CDH2: variants seen among roughly 807,000 people sequenced by gnomAD.
CDH2 encodes cadherin-2.
A neutral mutation model predicts 92.0 loss-of-function variants in CDH2; 17 were observed. The ratio of observed to expected loss-of-function variants is 0.18; its 90% confidence interval spans 0.13 to 0.28. CDH2 has a LOEUF of 0.28. CDH2 is among the 10% of genes least tolerant of loss of function. The pLI is 1.00. For missense variants in CDH2, 862 were observed against 1,133.1 expected (o/e 0.76, Z 3.44); for synonymous variants, 419 against 415.9 (o/e 1.01, Z -0.09).
chr18:28,147,931 A>G, intron 1 of CDH2, 147 bp from the exon 2 acceptor site: 1 of 596,178 alleles, frequency 1.7e-6, no homozygotes, highest in East Asian at 2.8e-5. Context: ...ATTAGAATGT[A>G]GAGGGCAAAG....
At chr18:28,095,231 G>A (rs573751661) in intron 2 of CDH2, among the ~76,000 whole-genome samples, 123 of 152,170 alleles carry the variant, frequency 8.1e-4, no homozygotes, top group African/African-American at 2.9e-3. Context: ...CTTGCTAGAT[G>A]AACGAACAAG....
At chr18:27,983,741 G>A (rs2012135456) in intron 13 of CDH2, among the ~76,000 whole-genome samples, 1 of 152,192 alleles carries the variant, frequency 6.6e-6, no homozygotes, top group Admixed American at 6.5e-5. Flanking sequence ...GTGAGTTGAT[G>A]TTAAAATCAG....
At chr18:28,063,706 G>C (rs1480926573) in intron 2 of CDH2, among the ~76,000 whole-genome samples, 1 of 152,194 alleles carries the variant, frequency 6.6e-6, no homozygotes, top group Non-Finnish European at 1.5e-5. Flanking sequence ...GGTGTCTGCA[G>C]AGACAAATTT....
At chr18:28,048,069 C>G (rs2014117164) in intron 2 of CDH2, among the ~76,000 whole-genome samples, 1 of 150,078 alleles carries the variant, frequency 6.7e-6, no homozygotes, top group Non-Finnish European at 1.5e-5. Context: ...TAGCAGGGAT[C>G]TGCTGCCATT....
At chr18:27,950,963 T>A (rs1363526875), downstream of CDH2, 1 of 152,518 alleles carries the variant, frequency 6.6e-6, no homozygotes, top group African/African-American at 2.4e-5. Flanking sequence ...TTCAAACCAG[T>A]CACCAGATCC....
intron 2 of CDH2, among the ~76,000 whole-genome samples, chr18:28,054,957 A>G (rs1288453316): frequency 6.6e-6 from 1 of 152,198 alleles, no homozygotes; most frequent in African/African-American, 2.4e-5. Context: ...AGAAATCTCA[A>G]TTTGTAAGTG....
intron 11 of CDH2, among the ~76,000 whole-genome samples, chr18:27,986,640 C>T (rs1318800338): frequency 1.3e-5 from 2 of 152,022 alleles, no homozygotes; most frequent in Admixed American, 6.6e-5. Flanking sequence ...GAGACTTAAG[C>T]GACCTGCCAA....
At chr18:28,176,190 G>C (rs1275375095) in intron 1 of CDH2, among the ~76,000 whole-genome samples, 1 of 152,178 alleles carries the variant, frequency 6.6e-6, no homozygotes, top group Non-Finnish European at 1.5e-5. Flanking sequence ...TCCAGGCAAA[G>C]GCGCCCCCGG....
intron 2 of CDH2, among the ~76,000 whole-genome samples, chr18:28,051,833 G>T (rs1641558701): frequency 6.6e-6 from 1 of 152,084 alleles, no homozygotes; most frequent in Admixed American, 6.5e-5. Flanking sequence ...TGATAATTAT[G>T]TCATAGCACT....
intron 2 of CDH2, among the ~76,000 whole-genome samples, chr18:28,089,400 A>G (rs2014996100): frequency 1.3e-5 from 2 of 152,216 alleles, no homozygotes; most frequent in Non-Finnish European, 2.9e-5. Context: ...TCTTCACATT[A>G]TAATTATAAA....
intron 15 of CDH2, 33 bp from the exon 16 acceptor site, chr18:27,952,392 TAA>T: frequency 6.5e-7 from 1 of 1,537,028 alleles, no homozygotes; most frequent in Non-Finnish European, 9.0e-7. Flanking sequence ...ATGAAAGAAT[TAA>T]GAGAGGGTTA....
At chr18:28,109,972 T>G (rs925914857) in intron 2 of CDH2, among the ~76,000 whole-genome samples, 3 of 152,170 alleles carry the variant, frequency 2.0e-5, no homozygotes, top group Non-Finnish European at 4.4e-5. Context: ...TACCATACTT[T>G]TGGAGAAAAT....
chr18:28,144,221 T>C (rs2015999870), intron 2 of CDH2, among the ~76,000 whole-genome samples: 1 of 151,682 alleles, frequency 6.6e-6, no homozygotes. Flanking sequence ...TGAGCTCTAA[T>C]TTGCTTATTT....
At chr18:27,990,500 T>C in intron 9 of CDH2, 150 bp from the exon 10 acceptor site, 1 of 652,040 alleles carries the variant, frequency 1.5e-6, no homozygotes, top group Non-Finnish European at 2.6e-6. Flanking sequence ...AAACATGCAT[T>C]AGCATGGTCA....
At chr18:27,995,238 C>T (rs1335798251) in intron 7 of CDH2, among the ~76,000 whole-genome samples, 5 of 142,842 alleles carry the variant, frequency 3.5e-5, no homozygotes, top group African/African-American at 1.3e-4. Context: ...CACGTGAACC[C>T]AGGAGGCGGA....
At chr18:28,101,405 C>A (rs1405433841) in intron 2 of CDH2, among the ~76,000 whole-genome samples, 1 of 152,102 alleles carries the variant, frequency 6.6e-6, no homozygotes, top group Non-Finnish European at 1.5e-5. Context: ...TTTTCATCTG[C>A]CATAATGAAG....
At chr18:27,938,299 G>T (rs1909065820) in intron 6 of CDH2, among the ~76,000 whole-genome samples, 1 of 152,020 alleles carries the variant, frequency 6.6e-6, no homozygotes, top group Admixed American at 6.6e-5. Context: ...CCCAGTCTCA[G>T]GTATTTCTTT....
chr18:27,945,857 T>A (rs1408184527), intron 6 of CDH2, among the ~76,000 whole-genome samples: 1 of 152,164 alleles, frequency 6.6e-6, no homozygotes, highest in Admixed American at 6.5e-5. Flanking sequence ...GGCATTGAAA[T>A]GAAAGTTTTA....
chr18:28,014,203 C>A (rs1007843870), intron 2 of CDH2, among the ~76,000 whole-genome samples: 2 of 152,128 alleles, frequency 1.3e-5, no homozygotes, highest in African/African-American at 4.8e-5. Flanking sequence ...TGACACCTTT[C>A]ACTGGTATTT....
Sources: allele counts gnomAD v4.1 joint callset (sites outside exome capture counted in the v4.1 genomes callset), GRCh38; gene constraint gnomAD v4.1.1; transcripts MANE v1.5; gene names NCBI Gene and HGNC (gene_info 2026-07-23, HGNC 2026-07-21).